RALYL: variants seen among roughly 807,000 people sequenced by gnomAD.
The protein encoded by RALYL is RALY RNA binding protein like.
Under a neutral mutation model 35.1 loss-of-function variants are expected in RALYL, and 29 were observed. The ratio of observed to expected loss-of-function variants is 0.83; its 90% CI spans 0.61 to 1.13. RALYL has a LOEUF of 1.13. Among genes scored for constraint, RALYL ranks in the 50% most tolerant of loss-of-function variants. The probability of loss-of-function intolerance (pLI) is 0.00; values close to 1 mark genes in which losing one functional copy is unlikely to be tolerated. For synonymous variants in RALYL, 120 were observed against 127.6 expected (o/e 0.94, Z 0.40); for missense variants, 359 against 360.4 (o/e 1.00, Z 0.03).
chr8:84,655,336 GT>G (rs1039963636), intron 2 of RALYL, among the ~76,000 whole-genome samples: 1 of 150,404 alleles, frequency 6.6e-6, no homozygotes, highest in African/African-American at 2.4e-5. Context: ...GTTTTTTGTT[GT>G]TGTTTTTTTG....
At chr8:84,429,588 T>C (rs2046921848) in intron 1 of RALYL, among the ~76,000 whole-genome samples, 1 of 152,150 alleles carries the variant, frequency 6.6e-6, no homozygotes, top group Non-Finnish European at 1.5e-5. Context: ...GTTTCACATG[T>C]TTATTTCTGC....
At chr8:84,858,600 A>C (rs1181587064) in intron 5 of RALYL, among the ~76,000 whole-genome samples, 1 of 152,310 alleles carries the variant, frequency 6.6e-6, no homozygotes, top group Non-Finnish European at 1.5e-5. Flanking sequence ...TCAGTCTACA[A>C]TCTTAAATGA....
chr8:84,262,158 G>T (rs1318238070), intron 1 of RALYL, among the ~76,000 whole-genome samples: 2 of 152,124 alleles, frequency 1.3e-5, no homozygotes, highest in Non-Finnish European at 2.9e-5. Context: ...TATGTTTTCT[G>T]TTGGTAGATG....
chr8:84,896,529 G>A (rs891485494), intron 8 of RALYL, among the ~76,000 whole-genome samples: 9 of 152,050 alleles, frequency 5.9e-5, no homozygotes, highest in African/African-American at 1.9e-4. Flanking sequence ...AATAGATACC[G>A]AAGTCCTTAC....
intron 7 of RALYL, among the ~76,000 whole-genome samples, chr8:84,885,321 C>A (rs895689450): frequency 1.3e-5 from 2 of 151,962 alleles, no homozygotes; most frequent in Non-Finnish European, 2.9e-5. Flanking sequence ...TTTTCTTTAA[C>A]TCAGTTTTAC....
chr8:84,725,486 T>A (rs933634109), intron 2 of RALYL, among the ~76,000 whole-genome samples: 1 of 151,826 alleles, frequency 6.6e-6, no homozygotes, highest in Non-Finnish European at 1.5e-5. Flanking sequence ...GACTGATTCA[T>A]GCTTTAATCA....
intron 1 of RALYL, among the ~76,000 whole-genome samples, chr8:84,372,886 G>GTTTTTTTTTTTTTGTTTTGTTTTGTT (rs1856071710): frequency 2.6e-4 from 10 of 39,074 alleles, no homozygotes; most frequent in African/African-American, 7.7e-4. Context: ...GCCAGCATCT[G>GTTTTTTTTTTTTTGTTTTGTTTTGTT]TTTTTTTTTT....
chr8:84,768,824 G>A (rs1329085512), intron 2 of RALYL, among the ~76,000 whole-genome samples: 2 of 152,178 alleles, frequency 1.3e-5, no homozygotes, highest in Non-Finnish European at 1.5e-5. Context: ...TATATAAGTG[G>A]CAAAGTATTT....
At chr8:84,480,342 G>A (rs1194120905) in intron 1 of RALYL, among the ~76,000 whole-genome samples, 1 of 152,074 alleles carries the variant, frequency 6.6e-6, no homozygotes, top group African/African-American at 2.4e-5. Context: ...GAATAATCTT[G>A]CCTTTGACTG....
chr8:84,467,234 T>C (rs2051829607), intron 1 of RALYL, among the ~76,000 whole-genome samples: 1 of 152,166 alleles, frequency 6.6e-6, no homozygotes, highest in Non-Finnish European at 1.5e-5. Flanking sequence ...ATTGTGATGT[T>C]AGGGTGTCAG....
Position 84,219,947 on chromosome 8 carries a change from G to A in RALYL, c.-24+35523G>A, listed in dbSNP as rs143921629. On this transcript the variant is annotated intron_variant, in intron 1 of 8. Coordinates refer to ENST00000521268, the MANE Select transcript of RALYL (RefSeq NM_173848.7). ...TTCTGATGCCTTGTGATGTAAAACT[G>A]AAGAAAATTGAGTCCTTTATATTTT... Among the ~76,000 whole-genome samples, 57 of 152,088 alleles carry A rather than the reference G, an allele frequency of 3.7e-4. 2 individuals are homozygous for A. The highest frequency in any genetic ancestry group is 1.3e-3 in the African/African-American group (53 of 41,524).
intron 5 of RALYL, among the ~76,000 whole-genome samples, chr8:84,855,007 T>A (rs1193431050): frequency 6.6e-6 from 1 of 152,176 alleles, no homozygotes; most frequent in Non-Finnish European, 1.5e-5. Flanking sequence ...TTACTCAGAC[T>A]GGATTCTGCT....
chr8:84,711,543 G>A (rs1842188119), intron 2 of RALYL, among the ~76,000 whole-genome samples: 2 of 152,026 alleles, frequency 1.3e-5, no homozygotes, highest in East Asian at 1.9e-4. Flanking sequence ...TTAAAATTAA[G>A]TCTACCTCTC....
chr8:84,778,865 G>A (rs1431685009), intron 3 of RALYL, among the ~76,000 whole-genome samples: 1 of 152,184 alleles, frequency 6.6e-6, no homozygotes, highest in African/African-American at 2.4e-5. Flanking sequence ...GATCACATGA[G>A]CTGAATAGAA....
chr8:84,384,239 G>C (rs1225158679), intron 1 of RALYL, among the ~76,000 whole-genome samples: 1 of 151,644 alleles, frequency 6.6e-6, no homozygotes, highest in East Asian at 1.9e-4. Context: ...AGCTCACAGG[G>C]TTGTTGAAAG....
rs118145733 is a variant in RALYL, at chr8:84,644,130, C to A, written c.256+114553C>A. 8.7e-3 allele frequency among the ~76,000 whole-genome samples: 1,319 copies of A among 151,960 alleles called. 11 individuals are homozygous for A. Among genetic ancestry groups the A allele is most frequent in the Middle Eastern group, 0.037 (11 of 294 alleles). Reference sequence around the variant, plus strand: ...GTGGTGTTTCAAAGAAAGTATATTTCAAGGCTATAGCTTAAGACTAAAGAG... The same window carrying A: ...GTGGTGTTTCAAAGAAAGTATATTTAAAGGCTATAGCTTAAGACTAAAGAG... On this transcript the variant is annotated intron_variant, in intron 2 of 8. Coordinates refer to ENST00000521268, the MANE Select transcript of RALYL (RefSeq NM_173848.7).
intron 4 of RALYL, among the ~76,000 whole-genome samples, chr8:84,818,899 T>C (rs1827917930): frequency 1.3e-5 from 2 of 152,142 alleles, no homozygotes; most frequent in South Asian, 2.1e-4. Flanking sequence ...TTAGACTTGA[T>C]GGGATCATGG....
chr8:84,635,683 T>C (rs1824910801), intron 2 of RALYL, among the ~76,000 whole-genome samples: 1 of 151,776 alleles, frequency 6.6e-6, no homozygotes, highest in Non-Finnish European at 1.5e-5. Context: ...TAATTCTTTC[T>C]TTAGATCCAG....
intron 1 of RALYL, among the ~76,000 whole-genome samples, chr8:84,390,598 C>G (rs958776032): frequency 2.0e-5 from 3 of 152,040 alleles, no homozygotes; most frequent in Non-Finnish European, 1.5e-5. Flanking sequence ...GGAATTTATC[C>G]ATTTCTTCTA....
Sources: gnomAD v4.1 joint callset for allele counts (sites outside exome capture counted in the v4.1 genomes callset) on GRCh38, gnomAD v4.1.1 for gene constraint, MANE v1.5 for transcripts, NCBI Gene and HGNC (gene_info 2026-07-23, HGNC 2026-07-21) for gene names.